Variants in COL5A2 observed in about 807,000 individuals in gnomAD.
COL5A2 encodes the protein collagen alpha-2(V) chain.
A neutral mutation model predicts 208.2 loss-of-function variants in COL5A2; 23 were observed. The ratio of observed to expected loss-of-function variants is 0.11; its 90% CI spans 0.08 to 0.16. The LOEUF (loss-of-function observed/expected upper bound fraction) is 0.16. Among genes scored for constraint, COL5A2 ranks in the 10% least tolerant of loss-of-function variants. COL5A2 has a pLI of 1.00. For missense variants in COL5A2, 1,590 were observed against 1,956.4 expected (o/e 0.81, Z 3.53); for synonymous variants, 625 against 628.5 (o/e 0.99, Z 0.08).
intron 9 of COL5A2, among the ~76,000 whole-genome samples, 183 bp from the exon 10 acceptor site, chr2:189,085,955 T>C (rs1686648494): frequency 6.6e-6 from 1 of 152,202 alleles, no homozygotes; most frequent in Non-Finnish European, 1.5e-5. Context: ...CAGAATAATA[T>C]TGGTACTTAC....
the COL5A2 span, among the ~76,000 whole-genome samples, chr2:189,355,981 A>G: frequency 6.6e-6 from 1 of 152,264 alleles, no homozygotes; most frequent in East Asian, 1.9e-4. Flanking sequence ...GGTGGTGACA[A>G]AATCTCTCAG....
the COL5A2 span, among the ~76,000 whole-genome samples, chr2:189,277,852 A>G: frequency 6.6e-6 from 1 of 152,124 alleles, no homozygotes. Flanking sequence ...TTGGCAGTAT[A>G]TGCATTTGGG....
chr2:189,038,254 T>A (rs1685482490), intron 51 of COL5A2, among the ~76,000 whole-genome samples: 2 of 152,190 alleles, frequency 1.3e-5, no homozygotes, highest in South Asian at 4.1e-4. Flanking sequence ...GCTCATTAGC[T>A]CTTACTTATA....
chr2:189,287,577 A>G, the COL5A2 span, among the ~76,000 whole-genome samples: 1 of 152,190 alleles, frequency 6.6e-6, no homozygotes, highest in Non-Finnish European at 1.5e-5. Context: ...ATGGTGAGAT[A>G]AGACTTGTAC....
the COL5A2 span, among the ~76,000 whole-genome samples, chr2:189,231,780 T>C: frequency 7.7e-6 from 1 of 129,906 alleles, no homozygotes; most frequent in Non-Finnish European, 1.7e-5. Flanking sequence ...AAAAGATACA[T>C]TTGTGTTATG....
chr2:189,079,058 C>T lies in COL5A2; in HGVS notation c.1005+5G>A. 6.2e-7 allele frequency: 1 copy of T among 1,610,932 alleles called. No individual in the cohort carries two copies. Among genetic ancestry groups the T allele is most frequent in the Non-Finnish European group, 8.5e-7 (1 of 1,177,434 alleles). ...AATTTAAGAAACAAGAAAACGAGCA[C>T]ATACCAGAGGACCCATGGCACCCAT... On this transcript the variant is annotated splice_donor_5th_base_variant and intron_variant, in intron 15 of 53. Coordinates refer to ENST00000374866, the MANE Select transcript of COL5A2 (RefSeq NM_000393.5).
chr2:189,045,155 A>T (rs1685638899), intron 47 of COL5A2, 24 bp downstream of exon 47: 2 of 1,570,862 alleles, frequency 1.3e-6, no homozygotes, highest in Non-Finnish European at 1.7e-6. Flanking sequence ...AACATTTTTT[A>T]AAAAACAAAA....
chr2:189,309,322 G>T, the COL5A2 span, among the ~76,000 whole-genome samples: 2 of 152,222 alleles, frequency 1.3e-5, no homozygotes, highest in Admixed American at 1.3e-4. Flanking sequence ...TCAAGCATGA[G>T]AACTAAGAGG....
At chr2:189,224,205 A>G (rs1021796275) in intron 1 of COL5A2, among the ~76,000 whole-genome samples, 1 of 152,096 alleles carries the variant, frequency 6.6e-6, no homozygotes, top group Non-Finnish European at 1.5e-5. Context: ...AGCAAAATGT[A>G]TGTCAAAAAT....
chr2:189,049,555 A>G lies in COL5A2; in HGVS notation c.3040-101T>C. ...AAAATGGTGCCTCTGGGCTCCTTCT[A>G]TAATAATAATTTTGCATTATCTTAC... On this transcript the variant is annotated intron_variant, in intron 43 of 53. Coordinates refer to ENST00000374866, the MANE Select transcript of COL5A2 (RefSeq NM_000393.5). 4 of 853,476 alleles carry G rather than the reference A, an allele frequency of 4.7e-6. No homozygotes were observed. In the South Asian group the frequency reaches 5.8e-5, roughly 12 times the overall value. 52.9% of individuals were successfully genotyped at this position (853,476 alleles called of 1,614,324 possible). A position where few individuals can be genotyped will look rare whatever the true frequency, so the allele number is the denominator to read the frequency against.
At chr2:189,049,877 A>G (rs1363121979) in intron 43 of COL5A2, among the ~76,000 whole-genome samples, 2 of 152,202 alleles carry the variant, frequency 1.3e-5, no homozygotes, top group Non-Finnish European at 2.9e-5. Context: ...GATAACAATA[A>G]GACATCCCTT....
Position 189,034,321 on chromosome 2 carries a change from TAGAGTACTACTTAAAAAAA to T in COL5A2, c.4354-124_4354-106del, listed in dbSNP as rs1685399214. 6.0e-6 allele frequency: 7 copies of T among 1,175,072 alleles called. No homozygotes were observed. In the South Asian group the frequency reaches 8.9e-5, roughly 15 times the overall value. 72.8% of individuals were successfully genotyped at this position (1,175,072 alleles called of 1,614,324 possible). ...TTTATAATGTAAAGGCAATGATTTT[TAGAGTACTACTTAAAAAAA>T]AGGAATGAAAACATAAAGTGAAATA... On this transcript the variant is annotated intron_variant, in intron 53 of 53. Transcript: ENST00000374866.
chr2:189,076,544 G>T (rs375829990), intron 16 of COL5A2, among the ~76,000 whole-genome samples: 2 of 152,272 alleles, frequency 1.3e-5, no homozygotes, highest in South Asian at 4.1e-4. Flanking sequence ...GACACTAAAA[G>T]GCTGATGGTG....
intron 1 of COL5A2, among the ~76,000 whole-genome samples, chr2:189,213,182 G>T (rs769641246): frequency 2.6e-5 from 4 of 151,912 alleles, no homozygotes; most frequent in Admixed American, 2.6e-4. Context: ...GAGTCACCAC[G>T]CCCTGCCTTA....
intron 1 of COL5A2, among the ~76,000 whole-genome samples, chr2:189,190,371 T>C (rs1021256428): frequency 1.3e-5 from 2 of 152,150 alleles, no homozygotes; most frequent in Non-Finnish European, 2.9e-5. Flanking sequence ...CATCTTCACT[T>C]CCATAATTTT....
chr2:189,162,600 T>C (rs1469888954), intron 1 of COL5A2, among the ~76,000 whole-genome samples: 2 of 152,194 alleles, frequency 1.3e-5, no homozygotes, highest in African/African-American at 4.8e-5. Flanking sequence ...TAAGCTAGAA[T>C]CTAACAGTTT....
intron 44 of COL5A2, among the ~76,000 whole-genome samples, 198 bp from the exon 45 acceptor site, chr2:189,048,460 C>T (rs1192057217): frequency 6.6e-6 from 1 of 152,150 alleles, no homozygotes. Context: ...CATATTCTTA[C>T]TTAATCCATA....
At chr2:189,144,991 C>T (rs756177822) in intron 1 of COL5A2, among the ~76,000 whole-genome samples, 12 of 152,126 alleles carry the variant, frequency 7.9e-5, no homozygotes, top group South Asian at 2.1e-4. Context: ...TCTGAACTAG[C>T]CCTTCTTAGA....
chr2:189,402,570 G>C, the COL5A2 span, among the ~76,000 whole-genome samples: 1 of 152,168 alleles, frequency 6.6e-6, no homozygotes, highest in Non-Finnish European at 1.5e-5. Context: ...ATTAACTTTT[G>C]TATATGGTAT....
Sources: allele counts gnomAD v4.1 joint callset (sites outside exome capture counted in the v4.1 genomes callset), GRCh38; gene constraint gnomAD v4.1.1; transcripts MANE v1.5; gene names NCBI Gene and HGNC (gene_info 2026-07-23, HGNC 2026-07-21).